Variants in GRID1 observed in about 807,000 individuals in gnomAD.
GRID1 encodes glutamate receptor ionotropic, delta-1.
Under a neutral mutation model 98.0 loss-of-function variants are expected in GRID1, and 28 were observed. The ratio of observed to expected loss-of-function variants is 0.29; its 90% CI spans 0.21 to 0.39. GRID1 has a LOEUF of 0.39. GRID1 is among the 10% of genes least tolerant of loss of function. GRID1 has a pLI of 1.00. For synonymous variants in GRID1, 553 were observed against 538.5 expected (o/e 1.03, Z -0.37); for missense variants, 1,111 against 1,340.5 (o/e 0.83, Z 2.67).
At chr10:86,261,741 C>T (rs1326115407) in intron 2 of GRID1, among the ~76,000 whole-genome samples, 1 of 151,972 alleles carries the variant, frequency 6.6e-6, no homozygotes, top group Non-Finnish European at 1.5e-5. Flanking sequence ...GTCACCCACT[C>T]TCACCTGAGC....
chr10:86,341,760 G>A (rs1848314628), intron 2 of GRID1, among the ~76,000 whole-genome samples: 1 of 152,232 alleles, frequency 6.6e-6, no homozygotes, highest in African/African-American at 2.4e-5. Context: ...GCCCAGAGAG[G>A]GGCCCTGGGC....
At chr10:85,787,052 T>C (rs1318032210) in intron 8 of GRID1, among the ~76,000 whole-genome samples, 2 of 152,206 alleles carry the variant, frequency 1.3e-5, no homozygotes, top group Non-Finnish European at 2.9e-5. Context: ...ATCAATGCCT[T>C]GCAGCCCTGG....
intron 12 of GRID1, among the ~76,000 whole-genome samples, chr10:85,659,544 T>C (rs1184757462): frequency 6.6e-6 from 1 of 152,160 alleles, no homozygotes; most frequent in Non-Finnish European, 1.5e-5. Flanking sequence ...TCTTCCCTTG[T>C]GGGACAGCTG....
chr10:85,979,101 T>C (rs535733731), intron 4 of GRID1, among the ~76,000 whole-genome samples: 2 of 152,220 alleles, frequency 1.3e-5, no homozygotes, highest in South Asian at 2.1e-4. Flanking sequence ...GCCAAGGACA[T>C]AGCTTTCTGG....
intron 2 of GRID1, among the ~76,000 whole-genome samples, chr10:86,236,715 G>C (rs989308684): frequency 3.3e-5 from 5 of 152,202 alleles, no homozygotes; most frequent in African/African-American, 9.7e-5. Context: ...AGTCTCAAAG[G>C]GGACAGGTGT....
At chr10:85,793,119 C>A (rs554873833) in intron 8 of GRID1, among the ~76,000 whole-genome samples, 4 of 142,554 alleles carry the variant, frequency 2.8e-5, no homozygotes, top group African/African-American at 1.1e-4. Context: ...GGCTTTGAAG[C>A]CTTTCCACGT....
chr10:86,210,744 T>C (rs928784982), intron 2 of GRID1, among the ~76,000 whole-genome samples: 88 of 152,250 alleles, frequency 5.8e-4, no homozygotes, highest in African/African-American at 1.8e-3. Flanking sequence ...TGAGTCAATT[T>C]CCAATCCACT....
chr10:85,653,906 T>A (rs1840862031), intron 12 of GRID1, among the ~76,000 whole-genome samples: 1 of 152,036 alleles, frequency 6.6e-6, no homozygotes, highest in Admixed American at 6.5e-5. Flanking sequence ...AAGAAATAAA[T>A]GCCCTTTTTA....
At position 85,984,717 on chromosome 10, in the gene GRID1, G is replaced by A. The variant is rs545918502; in HGVS notation, c.727-68478C>T. On this transcript the variant is annotated intron_variant, in intron 4 of 15. Coordinates refer to ENST00000327946, the MANE Select transcript of GRID1 (RefSeq NM_017551.3). ...GGCAGAGAGGCTCAGGAAGGGGAAG[G>A]GAGTGTCCTTCACAAGCAACTGATC... is the stretch of plus-strand genomic sequence containing the variant. Among the ~76,000 whole-genome samples the A allele has an allele frequency of 7.9e-5, 12 of 152,234 alleles. No homozygotes were observed. The East Asian group carries it at 2.3e-3, about 29-fold the overall frequency.
intron 12 of GRID1, among the ~76,000 whole-genome samples, chr10:85,666,564 T>A (rs78073132): frequency 0.02 from 3,043 of 152,254 alleles, 93 homozygotes; most frequent in African/African-American, 0.067. Flanking sequence ...CATGAGGGGA[T>A]GGGGGATGAT....
At chr10:85,800,146 C>T (rs953955920) in intron 8 of GRID1, among the ~76,000 whole-genome samples, 2 of 144,170 alleles carry the variant, frequency 1.4e-5, no homozygotes, top group African/African-American at 2.6e-5. Flanking sequence ...ACAAGATATA[C>T]ACATATAGAA....
intron 3 of GRID1, among the ~76,000 whole-genome samples, chr10:86,201,577 C>T (rs541444352): frequency 4.9e-4 from 75 of 151,580 alleles, no homozygotes; most frequent in African/African-American, 1.8e-3. Flanking sequence ...AGAAAAACAA[C>T]GAATGGGTAC....
chr10:86,171,630 T>C (rs1399956511), intron 3 of GRID1, among the ~76,000 whole-genome samples: 1 of 152,194 alleles, frequency 6.6e-6, no homozygotes, highest in African/African-American at 2.4e-5. Context: ...TGCCACACTG[T>C]AGACTGTCTA....
chr10:85,716,112 T>A (rs1841636176), intron 12 of GRID1, among the ~76,000 whole-genome samples: 1 of 152,070 alleles, frequency 6.6e-6, no homozygotes, highest in South Asian at 2.1e-4. Flanking sequence ...TCACCATGTT[T>A]GCCAGGCTGG....
At chr10:86,322,977 C>A (rs1847992334) in intron 2 of GRID1, among the ~76,000 whole-genome samples, 1 of 151,684 alleles carries the variant, frequency 6.6e-6, no homozygotes, top group South Asian at 2.1e-4. Context: ...CACCTGTAAT[C>A]CCAGCTCCTT....
chr10:85,856,036 A>G lies in GRID1; in HGVS notation c.1106T>C (p.Ile369Thr). 3 of 1,613,610 alleles carry G rather than the reference A, an allele frequency of 1.9e-6. No homozygotes were observed. Among genetic ancestry groups the G allele is most frequent in the Non-Finnish European group, 2.5e-6 (3 of 1,179,936 alleles). The change falls in exon 7 of 16, where the codon ATC becomes ACC. Residue 369 changes from isoleucine (I) to threonine (T), a missense_variant. Coordinates refer to ENST00000327946, the MANE Select transcript of GRID1 (RefSeq NM_017551.3). The part of the protein sequence containing the change: ...WNGGRSMLDT[I>T]KKGHITGLTG... The stretch of plus-strand genomic sequence containing the variant: ...GTGCCCCCTCACACGTACCTTTTTG[A>G]TGGTATCCAGCATGGACCTCCCACC...
At chr10:86,180,710 T>G (rs1199912180) in intron 3 of GRID1, among the ~76,000 whole-genome samples, 1 of 152,076 alleles carries the variant, frequency 6.6e-6, no homozygotes, top group Admixed American at 6.5e-5. Context: ...AGGCGCTGCC[T>G]GCAGCTCACA....
At chr10:85,747,576 A>G (rs955033809) in intron 8 of GRID1, among the ~76,000 whole-genome samples, 1 of 152,150 alleles carries the variant, frequency 6.6e-6, no homozygotes, top group African/African-American at 2.4e-5. Context: ...CTCCAACTGC[A>G]CAGAAGGAAA....
At chr10:86,323,482 C>T (rs1847998845) in intron 2 of GRID1, among the ~76,000 whole-genome samples, 1 of 152,204 alleles carries the variant, frequency 6.6e-6, no homozygotes, top group Non-Finnish European at 1.5e-5. Flanking sequence ...AAATTCTCTA[C>T]TCAGCTTTTA....
Sources: gnomAD v4.1 joint callset for allele counts (sites outside exome capture counted in the v4.1 genomes callset) on GRCh38, gnomAD v4.1.1 for gene constraint, MANE v1.5 for transcripts, NCBI Gene and HGNC (gene_info 2026-07-23, HGNC 2026-07-21) for gene names.